The following CSMD3 variants were observed in gnomAD, a reference collection of about 807,000 sequenced individuals.
The protein encoded by CSMD3 is CUB and Sushi multiple domains 3, also known as CUB and sushi domain-containing protein 3.
In CSMD3, 177 loss-of-function variants were observed where a neutral mutation model predicts 435.2. The ratio of observed to expected loss-of-function variants is 0.41; its 90% CI spans 0.36 to 0.46. The LOEUF is 0.46. Among genes scored for constraint, CSMD3 ranks in the 20% least tolerant of loss-of-function variants. CSMD3 has a pLI of 0.34. For missense variants in CSMD3, 4,265 were observed against 4,504.6 expected (o/e 0.95, Z 1.52); for synonymous variants, 1,656 against 1,520.5 (o/e 1.09, Z -2.07).
chr8:112,688,125 T>C (rs1333761655), intron 14 of CSMD3, among the ~76,000 whole-genome samples: 3 of 152,146 alleles, frequency 2.0e-5, no homozygotes, highest in African/African-American at 7.2e-5. Flanking sequence ...TTGGTTATGT[T>C]CCAATAAAAC....
chr8:113,077,189 G>T (rs557427478), intron 5 of CSMD3, among the ~76,000 whole-genome samples: 9 of 152,148 alleles, frequency 5.9e-5, no homozygotes, highest in Non-Finnish European at 1.2e-4. Context: ...TCCTGACTGT[G>T]ATATCATACT....
At chr8:112,724,640 G>A (rs2076927257) in intron 13 of CSMD3, among the ~76,000 whole-genome samples, 1 of 152,066 alleles carries the variant, frequency 6.6e-6, no homozygotes, top group African/African-American at 2.4e-5. Context: ...GAAAGCAGTG[G>A]ATTGTCTAGA....
chr8:112,242,301 A>G (rs1814248252), intron 65 of CSMD3, among the ~76,000 whole-genome samples: 1 of 152,304 alleles, frequency 6.6e-6, no homozygotes, highest in South Asian at 2.1e-4. Flanking sequence ...TAAATCATGT[A>G]GGATGTAGAA....
At chr8:112,602,708 A>G (rs1422568205) in intron 22 of CSMD3, among the ~76,000 whole-genome samples, 2 of 151,888 alleles carry the variant, frequency 1.3e-5, no homozygotes, top group Admixed American at 1.3e-4. Flanking sequence ...TGTTATATGT[A>G]TTATATACTA....
At chr8:112,957,741 C>T (rs140068926) in intron 7 of CSMD3, among the ~76,000 whole-genome samples, 1 of 143,916 alleles carries the variant, frequency 6.9e-6, no homozygotes, top group East Asian at 2.2e-4. Context: ...CCCACAGCTC[C>T]CGGGCGTGTT....
intron 5 of CSMD3, among the ~76,000 whole-genome samples, chr8:113,082,764 A>G (rs531777651): frequency 1.6e-4 from 24 of 152,280 alleles, no homozygotes; most frequent in Admixed American, 5.9e-4. Flanking sequence ...ATGTAAAGGA[A>G]CAAAACAGAT....
intron 32 of CSMD3, among the ~76,000 whole-genome samples, chr8:112,440,461 A>G (rs1814875262): frequency 6.6e-6 from 1 of 151,970 alleles, no homozygotes; most frequent in Non-Finnish European, 1.5e-5. Flanking sequence ...CTGTCAATGG[A>G]TCTACCATTG....
intron 10 of CSMD3, among the ~76,000 whole-genome samples, chr8:112,877,554 C>T (rs2081322090): frequency 6.6e-6 from 1 of 151,976 alleles, no homozygotes; most frequent in South Asian, 2.1e-4. Context: ...AGGCATGAGC[C>T]ACCATGTCTG....
At chr8:112,866,085 A>G (rs1340945277) in intron 10 of CSMD3, among the ~76,000 whole-genome samples, 1 of 152,150 alleles carries the variant, frequency 6.6e-6, no homozygotes, top group Non-Finnish European at 1.5e-5. Context: ...AGGGTTGTTG[A>G]AAGATTTCTG....
intron 29 of CSMD3, among the ~76,000 whole-genome samples, chr8:112,504,939 C>G (rs75859996): frequency 0.048 from 7,249 of 152,152 alleles, 243 homozygotes; most frequent in Non-Finnish European, 0.07. Context: ...AAACATTCAT[C>G]AGTAGAAAAA....
chr8:113,152,328 C>A (rs1349762738), intron 4 of CSMD3, among the ~76,000 whole-genome samples: 1 of 151,964 alleles, frequency 6.6e-6, no homozygotes, highest in Non-Finnish European at 1.5e-5. Flanking sequence ...CTCTCTATTT[C>A]ACGAAGATAC....
intron 33 of CSMD3, 110 bp downstream of exon 33, chr8:112,408,809 G>A: frequency 6.5e-7 from 1 of 1,549,004 alleles, no homozygotes; most frequent in Non-Finnish European, 8.8e-7. Context: ...ACTATTTTCA[G>A]TTTGCTTTAT....
At chr8:112,305,396 G>A (rs771947682) in intron 51 of CSMD3, among the ~76,000 whole-genome samples, 13 of 152,020 alleles carry the variant, frequency 8.6e-5, no homozygotes, top group Non-Finnish European at 1.8e-4. Context: ...AAGTGGAAAT[G>A]CTAGTACTAA....
At chr8:113,399,629 C>T (rs1335863592) in intron 1 of CSMD3, among the ~76,000 whole-genome samples, 1 of 151,714 alleles carries the variant, frequency 6.6e-6, no homozygotes, top group Non-Finnish European at 1.5e-5. Context: ...TAGCAGCTTC[C>T]TGGGGCTGGA....
intron 11 of CSMD3, among the ~76,000 whole-genome samples, chr8:112,844,247 C>A (rs573429581): frequency 1.3e-5 from 2 of 151,890 alleles, no homozygotes; most frequent in Admixed American, 6.6e-5. Context: ...TTCCTAATAT[C>A]TTTTCTCTTG....
intron 1 of CSMD3, among the ~76,000 whole-genome samples, chr8:113,341,297 C>G (rs1363038769): frequency 6.6e-6 from 1 of 152,078 alleles, no homozygotes; most frequent in Non-Finnish European, 1.5e-5. Context: ...AAATAGAGTA[C>G]TAGAGCTTAC....
Position 112,976,158 on chromosome 8 carries a change from A to G in CSMD3, c.1031-10T>C. 6.2e-7 allele frequency: 1 copy of G among 1,613,750 alleles called. No homozygotes were observed. Among genetic ancestry groups the G allele is most frequent in the Non-Finnish European group, 8.5e-7 (1 of 1,179,716 alleles). On this transcript the variant is annotated splice_polypyrimidine_tract_variant and intron_variant, in intron 6 of 70. Coordinates refer to ENST00000297405, the MANE Select transcript of CSMD3 (RefSeq NM_198123.2). The stretch of plus-strand genomic sequence containing the variant: ...GTCAATGTAGAAGAACCTGTGGGAC[A>G]CAGTAGCACTAGATGCTAACTTTTT...
chr8:112,746,727 A>G (rs974352971), intron 13 of CSMD3, among the ~76,000 whole-genome samples: 1 of 151,978 alleles, frequency 6.6e-6, no homozygotes, highest in East Asian at 1.9e-4. Context: ...GCATGACTAT[A>G]AAGAAAAGTT....
intron 36 of CSMD3, among the ~76,000 whole-genome samples, chr8:112,386,381 G>C (rs1829951753): frequency 6.6e-6 from 1 of 152,292 alleles, no homozygotes; most frequent in East Asian, 1.9e-4. Context: ...AATATAAAGA[G>C]TGTAGAAGCA....
Sources: allele counts gnomAD v4.1 joint callset (sites outside exome capture counted in the v4.1 genomes callset), GRCh38; gene constraint gnomAD v4.1.1; transcripts MANE v1.5; gene names NCBI Gene and HGNC (gene_info 2026-07-23, HGNC 2026-07-21).